Variants in CLVS2 observed in about 807,000 individuals in gnomAD.
CLVS2 encodes the protein clavesin-2.
In CLVS2, 19 loss-of-function variants were observed where a neutral mutation model predicts 29.0. The observed-to-expected ratio is 0.66, with a 90% CI of 0.46 to 0.96. The LOEUF is 0.96. CLVS2 is among the 40% of genes least tolerant of loss of function. The pLI, the probability that CLVS2 is intolerant of heterozygous loss-of-function variation, is 0.00. For synonymous variants in CLVS2, 161 were observed against 151.3 expected, an observed-to-expected ratio of 1.06 and a Z score of -0.47; for missense variants, 294 against 404.1, an observed-to-expected ratio of 0.73 and a Z score of 2.34.
intron 3 of CLVS2, among the ~76,000 whole-genome samples, chr6:123,046,658 CAAAAAA>C (rs34421196): frequency 6.9e-6 from 1 of 144,174 alleles, no homozygotes; most frequent in Non-Finnish European, 1.5e-5. Flanking sequence ...AACTCAGTCT[CAAAAAA>C]AAAAAAAAAT....
At chr6:123,048,841 A>G in intron 4 of CLVS2, 109 bp downstream of exon 4, 1 of 693,356 alleles carries the variant, frequency 1.4e-6, no homozygotes, top group South Asian at 1.9e-5. Context: ...TACATTGTAT[A>G]GAAATCAACA....
In CLVS2 at chr6:123,012,234, C is replaced by A. The variant is rs76020777; in HGVS notation, c.564+1075C>A. Among the ~76,000 whole-genome samples, 607 of 152,044 alleles carry A rather than the reference C, an allele frequency of 4.0e-3. 3 individuals carry two copies. The highest frequency in any genetic ancestry group is 0.024 in the Middle Eastern group (7 of 294). ...GGGACAGTTAATACAGGATGGTAGA[C>A]AGCATAAGATAATGCATGTTTGGAA... On this transcript the variant is annotated intron_variant, in intron 3 of 5. Coordinates refer to ENST00000275162, the MANE Select transcript of CLVS2 (RefSeq NM_001010852.4).
At chr6:123,036,127 A>C (rs1156370671) in intron 3 of CLVS2, among the ~76,000 whole-genome samples, 1 of 152,214 alleles carries the variant, frequency 6.6e-6, no homozygotes, top group Non-Finnish European at 1.5e-5. Flanking sequence ...CTAGGGGCAG[A>C]CAGTAGGTGC....
intron 3 of CLVS2, among the ~76,000 whole-genome samples, chr6:123,015,692 C>T (rs1461193885): frequency 6.6e-6 from 1 of 152,042 alleles, no homozygotes; most frequent in Non-Finnish European, 1.5e-5. Context: ...CTAAAGATGT[C>T]ACAAATGGCT....
At position 123,070,444 on chromosome 6, in the gene CLVS2, C is replaced by T. The variant is rs1309599772; in HGVS notation, c.*6683C>T. ...TCTTCACTGTATTGGACCAAGTCTTCAACATTTTCCATCTGGAATATTTTA... is the reference window on the plus strand; with the variant it reads ...TCTTCACTGTATTGGACCAAGTCTTTAACATTTTCCATCTGGAATATTTTA... On this transcript the variant is annotated 3_prime_UTR_variant, in exon 6 of 6. Coordinates refer to ENST00000275162, the MANE Select transcript of CLVS2 (RefSeq NM_001010852.4). 6.6e-6 allele frequency: 1 copy of T among 151,960 alleles called. No homozygotes were observed. Among genetic ancestry groups the T allele is most frequent in the African/African-American group, 2.4e-5 (1 of 41,428 alleles). 9.4% of individuals were successfully genotyped at this position (151,960 alleles called of 1,614,324 possible).
intron 2 of CLVS2, among the ~76,000 whole-genome samples, chr6:122,998,860 T>C (rs1158077583): frequency 6.6e-6 from 1 of 151,820 alleles, no homozygotes; most frequent in Non-Finnish European, 1.5e-5. Flanking sequence ...TGATTTTTCA[T>C]CTTTTGGAAG....
chr6:123,010,774 A>G (rs948484181), intron 2 of CLVS2, among the ~76,000 whole-genome samples: 2 of 152,022 alleles, frequency 1.3e-5, no homozygotes, highest in African/African-American at 4.8e-5. Context: ...AAGCGTTTCC[A>G]TTTGTTTGGG....
chr6:123,039,405 G>A (rs1438090564), intron 3 of CLVS2, among the ~76,000 whole-genome samples: 1 of 152,170 alleles, frequency 6.6e-6, no homozygotes, highest in African/African-American at 2.4e-5. Context: ...ACAGTTATTT[G>A]TGACCCTTAC....
At chr6:123,056,111 G>C in intron 5 of CLVS2, 85 bp downstream of exon 5, 1 of 887,858 alleles carries the variant, frequency 1.1e-6, no homozygotes, top group South Asian at 1.5e-5. Context: ...CTGTTTTTCT[G>C]TATACATTTT....
intron 3 of CLVS2, among the ~76,000 whole-genome samples, chr6:123,020,706 A>T (rs1774907613): frequency 6.6e-6 from 1 of 152,094 alleles, no homozygotes; most frequent in Non-Finnish European, 1.5e-5. Flanking sequence ...CATACTGAAA[A>T]CATGCAGAAG....
intron 3 of CLVS2, among the ~76,000 whole-genome samples, chr6:123,022,096 C>T (rs187848150): frequency 3.9e-5 from 6 of 152,088 alleles, no homozygotes; most frequent in Non-Finnish European, 8.8e-5. Flanking sequence ...ATGCCTTATT[C>T]TCCTTACCTT....
At chr6:122,999,541 G>A (rs1774559705) in intron 2 of CLVS2, among the ~76,000 whole-genome samples, 2 of 152,104 alleles carry the variant, frequency 1.3e-5, no homozygotes, top group African/African-American at 4.8e-5. Flanking sequence ...TCAGGTAGCT[G>A]AAAATTTTAA....
intron 3 of CLVS2, among the ~76,000 whole-genome samples, chr6:123,043,629 T>C (rs373478795): frequency 6.6e-6 from 1 of 152,310 alleles, no homozygotes; most frequent in East Asian, 1.9e-4. Flanking sequence ...TTAACACAAC[T>C]GATTGGTTTA....
intron 3 of CLVS2, among the ~76,000 whole-genome samples, chr6:123,014,577 TA>T (rs1774798967): frequency 6.6e-6 from 1 of 152,102 alleles, no homozygotes; most frequent in African/African-American, 2.4e-5. Context: ...TATTCATTTA[TA>T]CCAATTTTCA....
chr6:123,056,130 G>A (rs1772690409), intron 5 of CLVS2, 104 bp downstream of exon 5: 2 of 754,738 alleles, frequency 2.6e-6, no homozygotes, highest in Non-Finnish European at 4.5e-6. Flanking sequence ...TTTCTGGTGG[G>A]ATTTTAAAAC....
intron 5 of CLVS2, among the ~76,000 whole-genome samples, chr6:123,062,824 A>C (rs1772797373): frequency 6.6e-6 from 1 of 152,226 alleles, no homozygotes; most frequent in Non-Finnish European, 1.5e-5. Context: ...AGAATTCATT[A>C]CCAAGGAGAA....
intron 4 of CLVS2, among the ~76,000 whole-genome samples, chr6:123,050,821 T>C (rs1006783028): frequency 6.6e-6 from 1 of 152,194 alleles, no homozygotes; most frequent in Non-Finnish European, 1.5e-5. Flanking sequence ...AACATGATTC[T>C]GCTCTGTTGA....
chr6:123,051,030 T>C (rs1177659846), intron 4 of CLVS2, among the ~76,000 whole-genome samples: 1 of 152,160 alleles, frequency 6.6e-6, no homozygotes, highest in African/African-American at 2.4e-5. Context: ...TAATTATATA[T>C]TTAAATACTT....
chr6:123,011,221 GT>G, intron 3 of CLVS2, 62 bp downstream of exon 3: 1 of 1,245,404 alleles, frequency 8.0e-7, no homozygotes, highest in Non-Finnish European at 1.1e-6. Context: ...TGTCTAATGT[GT>G]TAGAATGAAA....
Sources: gnomAD v4.1 joint callset for allele counts (sites outside exome capture counted in the v4.1 genomes callset) on GRCh38, gnomAD v4.1.1 for gene constraint, MANE v1.5 for transcripts, NCBI Gene and HGNC (gene_info 2026-07-23, HGNC 2026-07-21) for gene names.